FSHR: variants seen among roughly 807,000 people sequenced by gnomAD.
FSHR encodes follicle-stimulating hormone receptor.
FSHR carries 46 observed loss-of-function variants against 52.1 expected under a neutral mutation model. The ratio of observed to expected loss-of-function variants is 0.88; its 90% CI spans 0.70 to 1.13. The LOEUF (loss-of-function observed/expected upper bound fraction) is 1.13, where lower values mean the gene tolerates loss of function less well. Ranked by LOEUF, FSHR falls within the 50% of genes most tolerant of loss-of-function variation. FSHR has a pLI of 0.00. For missense variants in FSHR, 964 were observed against 834.6 expected, an observed-to-expected ratio of 1.16 and a Z score of -1.91; for synonymous variants, 399 against 309.6, an observed-to-expected ratio of 1.29 and a Z score of -3.03.
rs70946839 is a variant in FSHR at position 48,985,697 on chromosome 2, G to GTTTTTTTTTTTTTTTTTTTTTTTTTTTT, written c.525-2532_525-2531insAAAAAAAAAAAAAAAAAAAAAAAAAAAA. Among the ~76,000 whole-genome samples, 3 of 99,540 alleles carry GTTTTTTTTTTTTTTTTTTTTTTTTTTTT rather than the reference G, an allele frequency of 3.0e-5. 1 individual carries two copies. Among genetic ancestry groups the GTTTTTTTTTTTTTTTTTTTTTTTTTTTT allele is most frequent in the African/African-American group, 8.4e-5 (2 of 23,878 alleles). 65.3% of individuals were successfully genotyped at this position (99,540 alleles called of 152,430 possible). Reference sequence around the variant, plus strand: ...TTCAGTTTCAGGGGAGCAAGTACAGGTTTTTTTTTTTTTTTTTTTTTTTTT... The same window carrying GTTTTTTTTTTTTTTTTTTTTTTTTTTTT: ...TTCAGTTTCAGGGGAGCAAGTACAGGTTTTTTTTTTTTTTTTTTTTTTTTTTTTTTTTTTTTTTTTTTTTTTTTTTTTT... On this transcript the variant is annotated intron_variant, in intron 6 of 9. Coordinates refer to ENST00000406846, the MANE Select transcript of FSHR (RefSeq NM_000145.4).
intron 4 of FSHR, among the ~76,000 whole-genome samples, chr2:49,000,461 A>G (rs1458928446): frequency 6.6e-6 from 1 of 152,190 alleles, no homozygotes; most frequent in Non-Finnish European, 1.5e-5. Context: ...GGAGCAAGCT[A>G]TCGGATACCT....
At chr2:48,970,351 TA>T (rs1674686972) in intron 8 of FSHR, among the ~76,000 whole-genome samples, 1 of 152,176 alleles carries the variant, frequency 6.6e-6, no homozygotes, top group Non-Finnish European at 1.5e-5. Flanking sequence ...TCTCGGGAAA[TA>T]GTACTCACTA....
chr2:49,063,069 C>A lies in FSHR; in HGVS notation c.224+5150G>T, dbSNP rs564270079. ...AATGTAGAGCTTCCATATGATCCAG[C>A]AATTTTACTAATGGGTATGTATTCA... On this transcript the variant is annotated intron_variant, in intron 2 of 9. Coordinates refer to ENST00000406846, the MANE Select transcript of FSHR (RefSeq NM_000145.4). Among the ~76,000 whole-genome samples the A allele has an allele frequency of 2.6e-5, 4 of 152,172 alleles. No homozygotes were observed. In the South Asian group the frequency reaches 6.2e-4, roughly 24 times the overall value.
chr2:48,998,970 ATG>A (rs1676143584), intron 4 of FSHR, among the ~76,000 whole-genome samples: 1 of 152,032 alleles, frequency 6.6e-6, no homozygotes, highest in East Asian at 1.9e-4. Context: ...CTGCAGTCAT[ATG>A]TGTATCTACT....
Position 49,010,795 on chromosome 2 carries a change from G to T in FSHR, c.374+6694C>A, listed in dbSNP as rs571956520. 1.7e-3 allele frequency among the ~76,000 whole-genome samples: 252 copies of T among 152,278 alleles called. 3 individuals carry two copies. Among genetic ancestry groups the T allele is most frequent in the South Asian group, 3.9e-3 (19 of 4,826 alleles). ...TCAAGGAATTTATCCATTTCTTCTA[G>T]ATTTTCTAGTTTATTTGCGTAGAGG... On this transcript the variant is annotated intron_variant, in intron 4 of 9. Coordinates refer to ENST00000406846, the MANE Select transcript of FSHR (RefSeq NM_000145.4).
chr2:49,028,140 A>G (rs1558399163), intron 2 of FSHR, among the ~76,000 whole-genome samples: 1 of 152,248 alleles, frequency 6.6e-6, no homozygotes, highest in South Asian at 2.1e-4. Context: ...CCTTTGACAT[A>G]CAAGGGACAG....
intron 2 of FSHR, among the ~76,000 whole-genome samples, chr2:49,063,522 C>T (rs1253117776): frequency 1.3e-5 from 2 of 151,992 alleles, no homozygotes; most frequent in African/African-American, 4.8e-5. Flanking sequence ...TTCACAGCAA[C>T]ATAGATAATC....
intron 2 of FSHR, among the ~76,000 whole-genome samples, chr2:49,042,661 G>A (rs1357533467): frequency 1.3e-5 from 2 of 152,212 alleles, no homozygotes; most frequent in Non-Finnish European, 2.9e-5. Flanking sequence ...CACTGGAGCA[G>A]CAATTTCCTT....
chr2:49,130,468 C>G (rs1264914637), intron 1 of FSHR, among the ~76,000 whole-genome samples: 1 of 152,154 alleles, frequency 6.6e-6, no homozygotes, highest in Non-Finnish European at 1.5e-5. Flanking sequence ...CTCATGATAG[C>G]CATTCTGTCA....
At position 49,104,911 on chromosome 2, in the gene FSHR, T is replaced by C. The variant is rs532589324; in HGVS notation, c.153-36621A>G. Among the ~76,000 whole-genome samples, 308 of 152,062 alleles carry C rather than the reference T, an allele frequency of 2.0e-3. 1 individual carries two copies. The highest frequency in any genetic ancestry group is 2.6e-3 in the Non-Finnish European group (179 of 67,978). The stretch of plus-strand genomic sequence containing the variant: ...CCTGTGACAGAGAGGAGACCACCCT[T>C]CTAAAAACTTTTGAGGGCATGTAGA... On this transcript the variant is annotated intron_variant, in intron 1 of 9. Transcript: ENST00000406846.
intron 1 of FSHR, among the ~76,000 whole-genome samples, chr2:49,134,280 A>G (rs960239336): frequency 2.0e-4 from 30 of 152,246 alleles, no homozygotes; most frequent in Admixed American, 6.5e-5. Flanking sequence ...TTCTCAAAAG[A>G]AGACATTTAT....
chr2:49,036,331 A>G (rs1029370219), intron 2 of FSHR, among the ~76,000 whole-genome samples: 1 of 151,992 alleles, frequency 6.6e-6, no homozygotes, highest in Non-Finnish European at 1.5e-5. Flanking sequence ...GTGTTTCATC[A>G]TCTCCAGTTA....
intron 2 of FSHR, 61 bp downstream of exon 2, chr2:49,068,158 T>A: frequency 7.8e-7 from 1 of 1,276,304 alleles, no homozygotes; most frequent in Non-Finnish European, 1.1e-6. Context: ...CTAGATGTGG[T>A]CTGAGGTTGC....
chr2:49,140,324 A>C, intron 1 of FSHR, among the ~76,000 whole-genome samples: 2 of 148,764 alleles, frequency 1.3e-5, no homozygotes, highest in East Asian at 2.0e-4. Flanking sequence ...CCCCCCACCC[A>C]TTCTCTCTCT....
intron 1 of FSHR, among the ~76,000 whole-genome samples, chr2:49,094,814 G>C (rs1054454902): frequency 6.6e-6 from 1 of 151,796 alleles, no homozygotes; most frequent in African/African-American, 2.4e-5. Context: ...ATAAAATAGA[G>C]AATAGAAAAA....
intron 1 of FSHR, among the ~76,000 whole-genome samples, chr2:49,148,899 G>C (rs1439255969): frequency 6.6e-6 from 1 of 151,920 alleles, no homozygotes; most frequent in Non-Finnish European, 1.5e-5. Context: ...TTTGAACTGG[G>C]AAATCACAAC....
chr2:49,017,096 A>C (rs1286679516), intron 4 of FSHR, among the ~76,000 whole-genome samples: 1 of 152,224 alleles, frequency 6.6e-6, no homozygotes. Context: ...AAATGCTGAT[A>C]TTTATCAAGG....
At chr2:49,023,251 G>A (rs1667802118) in intron 2 of FSHR, among the ~76,000 whole-genome samples, 1 of 152,048 alleles carries the variant, frequency 6.6e-6, no homozygotes, top group African/African-American at 2.4e-5. Flanking sequence ...ACCATGTTTT[G>A]TCGTTGCTTT....
intron 3 of FSHR, among the ~76,000 whole-genome samples, chr2:49,019,704 A>G (rs1667621966): frequency 6.6e-6 from 1 of 152,260 alleles, no homozygotes; most frequent in Non-Finnish European, 1.5e-5. Flanking sequence ...CATGGTGAAT[A>G]TATGGCATAG....
Sources: gnomAD v4.1 joint callset for allele counts (sites outside exome capture counted in the v4.1 genomes callset) on GRCh38, gnomAD v4.1.1 for gene constraint, MANE v1.5 for transcripts, NCBI Gene and HGNC (gene_info 2026-07-23, HGNC 2026-07-21) for gene names.